The following VPS54 variants were observed in gnomAD, a reference collection of about 807,000 sequenced individuals.
The protein encoded by VPS54 is VPS54 subunit of GARP complex, also known as vacuolar protein sorting-associated protein 54.
In VPS54, 45 loss-of-function variants were observed where a neutral mutation model predicts 121.5. That is an observed-to-expected ratio of 0.37 (90% CI 0.29 to 0.47). The LOEUF (loss-of-function observed/expected upper bound fraction) is 0.47. Among genes scored for constraint, VPS54 ranks in the 20% least tolerant of loss-of-function variants. VPS54 has a pLI of 0.99. For synonymous variants in VPS54, 371 were observed against 385.8 expected, an observed-to-expected ratio of 0.96 and a Z score of 0.45; for missense variants, 1,090 against 1,131.4, an observed-to-expected ratio of 0.96 and a Z score of 0.52.
intron 3 of VPS54, 63 bp from the exon 4 acceptor site, chr2:63,972,307 G>T: frequency 7.8e-7 from 1 of 1,286,708 alleles, no homozygotes; most frequent in Non-Finnish European, 1.1e-6. Flanking sequence ...AAGCATGAAA[G>T]TGTTTTGCAA....
At chr2:63,895,333 A>T (rs1028495723) in intron 22 of VPS54, among the ~76,000 whole-genome samples, 2 of 152,200 alleles carry the variant, frequency 1.3e-5, no homozygotes, top group African/African-American at 4.8e-5. Flanking sequence ...ACGTGCCTGT[A>T]ATCCCAGCTA....
intron 20 of VPS54, among the ~76,000 whole-genome samples, chr2:63,901,419 A>G (rs1319477910): frequency 6.6e-6 from 1 of 152,216 alleles, no homozygotes; most frequent in Non-Finnish European, 1.5e-5. Flanking sequence ...GGGCTAGGAT[A>G]TATTTAGGAT....
intron 7 of VPS54, among the ~76,000 whole-genome samples, chr2:63,952,284 G>C (rs1308322295): frequency 6.6e-6 from 1 of 152,082 alleles, no homozygotes; most frequent in Non-Finnish European, 1.5e-5. Context: ...AAGAAGCCTA[G>C]ATAACCTAGT....
Position 63,920,570 on chromosome 2 carries a change from C to T in VPS54, c.1927G>A (p.Glu643Lys). The change falls in exon 14 of 23, where the codon GAA becomes AAA. Residue 643 changes from glutamate to lysine, a missense_variant. Transcript: ENST00000272322. ...MEFITLSRLM[E>K]TFILDTEQIC... ...TGTTCGGTGTCTAAAATGAATGTTT[C>T]CATTAATCTAGAAAGTGTTATGAAT... 6.4e-7 allele frequency: 1 copy of T among 1,571,326 alleles called. No homozygotes were observed. The highest frequency in any genetic ancestry group is 2.4e-5 in the East Asian group (1 of 41,688).
intron 10 of VPS54, among the ~76,000 whole-genome samples, chr2:63,942,855 A>G (rs989117888): frequency 2.0e-5 from 3 of 152,252 alleles, no homozygotes; most frequent in African/African-American, 2.4e-5. Context: ...TGGAATAAAA[A>G]TGGAAACATA....
intron 1 of VPS54, among the ~76,000 whole-genome samples, chr2:63,984,914 GAGA>G (rs1391999765): frequency 1.3e-5 from 2 of 152,158 alleles, no homozygotes; most frequent in South Asian, 2.1e-4. Flanking sequence ...TCTCAAAACA[GAGA>G]AGAATAGAAA....
chr2:63,920,058 T>G, intron 14 of VPS54, 63 bp from the exon 15 acceptor site: 1 of 1,410,680 alleles, frequency 7.1e-7, no homozygotes, highest in Admixed American at 2.2e-5. Context: ...TTCCTTGGTT[T>G]AAAAGAAAAG....
chr2:63,946,904 G>A (rs1675003935), intron 9 of VPS54, among the ~76,000 whole-genome samples: 1 of 151,976 alleles, frequency 6.6e-6, no homozygotes, highest in Non-Finnish European at 1.5e-5. Flanking sequence ...CTAGGAATCA[G>A]TCTAAGAACA....
intron 20 of VPS54, among the ~76,000 whole-genome samples, chr2:63,906,559 A>C: frequency 6.6e-6 from 1 of 152,228 alleles, no homozygotes; most frequent in Middle Eastern, 3.2e-3. Context: ...TAAACATTTA[A>C]TGGGCTCACT....
chr2:63,975,895 G>A (rs925423169), intron 3 of VPS54, among the ~76,000 whole-genome samples: 5 of 152,172 alleles, frequency 3.3e-5, no homozygotes, highest in South Asian at 2.1e-4. Context: ...ACAGGCATGC[G>A]CCACCATGCC....
chr2:63,961,245 T>C (rs1675755740), intron 7 of VPS54, among the ~76,000 whole-genome samples: 1 of 152,196 alleles, frequency 6.6e-6, no homozygotes, highest in Admixed American at 6.5e-5. Context: ...CAATTGTTCA[T>C]CTAATTAAAT....
intron 1 of VPS54, among the ~76,000 whole-genome samples, chr2:64,017,288 G>C (rs1678750053): frequency 6.7e-6 from 1 of 148,364 alleles, no homozygotes; most frequent in Admixed American, 6.8e-5. Flanking sequence ...GGTGAGCCAA[G>C]ATAGCGCCAC....
intron 16 of VPS54, among the ~76,000 whole-genome samples, chr2:63,915,357 C>T (rs891575115): frequency 6.6e-6 from 1 of 151,932 alleles, no homozygotes; most frequent in Non-Finnish European, 1.5e-5. Flanking sequence ...TTTATAAGAG[C>T]CTGAAAGATA....
chr2:63,903,349 A>G (rs571998510), intron 20 of VPS54, among the ~76,000 whole-genome samples: 179 of 152,372 alleles, frequency 1.2e-3, no homozygotes, highest in African/African-American at 4.2e-3. Flanking sequence ...TTTTTCAAAC[A>G]AAAACTGAGA....
intron 1 of VPS54, among the ~76,000 whole-genome samples, chr2:64,008,413 CAA>C (rs35629837): frequency 2.0e-3 from 265 of 135,678 alleles, no homozygotes; most frequent in Middle Eastern, 3.6e-3. Flanking sequence ...GACTCCGTCT[CAA>C]AAAAAAAAAA....
At chr2:63,933,417 T>G (rs1240560613) in intron 12 of VPS54, among the ~76,000 whole-genome samples, 1 of 152,174 alleles carries the variant, frequency 6.6e-6, no homozygotes, top group Non-Finnish European at 1.5e-5. Context: ...ACCTTATCAC[T>G]GAAATGAGGG....
At chr2:63,934,415 T>C (rs973150755) in intron 11 of VPS54, among the ~76,000 whole-genome samples, 2 of 152,132 alleles carry the variant, frequency 1.3e-5, no homozygotes, top group Non-Finnish European at 2.9e-5. Context: ...CCTCTCTTTC[T>C]CCTTTTCTCG....
intron 20 of VPS54, among the ~76,000 whole-genome samples, chr2:63,900,996 G>A (rs1244597257): frequency 3.9e-5 from 6 of 152,016 alleles, no homozygotes; most frequent in African/African-American, 9.7e-5. Context: ...TCCTGACCTC[G>A]TGATCCACCA....
rs146325526 is a variant in VPS54 at position 63,899,799 on chromosome 2, G to A, written c.2626-218C>T. On this transcript the variant is annotated intron_variant, in intron 20 of 22. Coordinates refer to ENST00000272322, the MANE Select transcript of VPS54 (RefSeq NM_016516.3). Reference sequence around the variant, plus strand: ...ACTTTGAAGGAACTAAAATAGCTCAGTGACTAAGAACAAAGCCTGCTTCCA... The same window carrying A: ...ACTTTGAAGGAACTAAAATAGCTCAATGACTAAGAACAAAGCCTGCTTCCA... Among the ~76,000 whole-genome samples, 13 of 152,288 alleles carry A rather than the reference G, an allele frequency of 8.5e-5. No individual in the cohort carries two copies. In the East Asian group the frequency reaches 2.3e-3, roughly 27 times the overall value.
Sources: allele counts gnomAD v4.1 joint callset (sites outside exome capture counted in the v4.1 genomes callset), GRCh38; gene constraint gnomAD v4.1.1; transcripts MANE v1.5; gene names NCBI Gene and HGNC (gene_info 2026-07-23, HGNC 2026-07-21).